Variants in HDAC8 observed in about 807,000 individuals in gnomAD.
HDAC8 encodes the protein histone deacetylase 8.
Under a neutral mutation model 32.2 loss-of-function variants are expected in HDAC8, and 1 was observed. The observed-to-expected ratio is 0.03, with a 90% CI of 0.01 to 0.15. The LOEUF is 0.15. Ranked by LOEUF, HDAC8 falls within the 10% of genes least tolerant of loss-of-function variation. HDAC8 has a pLI of 1.00. For missense variants in HDAC8, 117 were observed against 300.0 expected, an observed-to-expected ratio of 0.39 and a Z score of 4.51; for synonymous variants, 108 against 113.9, an observed-to-expected ratio of 0.95 and a Z score of 0.33.
At chrX:72,508,191 T>C (rs1453759840) in intron 4 of HDAC8, among the ~76,000 whole-genome samples, 1 of 112,331 alleles carries the variant, frequency 8.9e-6, no homozygotes, top group Non-Finnish European at 1.9e-5. Context: ...TCTTTACATA[T>C]TAGCATACCT....
intron 9 of HDAC8, among the ~76,000 whole-genome samples, chrX:72,365,726 T>C (rs1280605504): frequency 8.9e-6 from 1 of 112,365 alleles, no homozygotes; most frequent in Non-Finnish European, 1.9e-5. Context: ...AACTTTCTTG[T>C]CTGCTTTGAA....
At chrX:72,472,136 C>T (rs1433737649) in intron 7 of HDAC8, among the ~76,000 whole-genome samples, 5 of 104,853 alleles carry the variant, frequency 4.8e-5, no homozygotes, top group Non-Finnish European at 5.9e-5. Flanking sequence ...GGCGGGATCT[C>T]GGCTCACTGC....
At chrX:72,338,868 G>C (rs1555943918) in intron 10 of HDAC8, among the ~76,000 whole-genome samples, 2 of 106,582 alleles carry the variant, frequency 1.9e-5, no homozygotes, top group African/African-American at 6.8e-5. Flanking sequence ...GGGGAAAATA[G>C]GGAGTCCCTG....
chrX:72,527,141 C>T (rs1212422033), intron 4 of HDAC8, among the ~76,000 whole-genome samples: 2 of 112,028 alleles, frequency 1.8e-5, no homozygotes, highest in East Asian at 5.6e-4. Flanking sequence ...CATCTCTTGC[C>T]ACTGACCCAA....
intron 7 of HDAC8, among the ~76,000 whole-genome samples, chrX:72,485,332 G>A (rs2048635665): frequency 8.9e-6 from 1 of 111,819 alleles, no homozygotes; most frequent in Non-Finnish European, 1.9e-5. Flanking sequence ...AGATCTCACT[G>A]TGAAATCTGT....
At chrX:72,336,073 AAT>A (rs1367174280) in intron 10 of HDAC8, among the ~76,000 whole-genome samples, 1 of 111,680 alleles carries the variant, frequency 9.0e-6, no homozygotes, top group Non-Finnish European at 1.9e-5. Context: ...ATGTGGTAAG[AAT>A]ATGTTTATTT....
intron 9 of HDAC8, among the ~76,000 whole-genome samples, chrX:72,430,721 C>T (rs2046790065): frequency 9.0e-6 from 1 of 111,483 alleles, no homozygotes; most frequent in Non-Finnish European, 1.9e-5. Flanking sequence ...TCAGTGTCCC[C>T]AAAATAGAAT....
At chrX:72,533,054 G>T (rs1199859651) in intron 4 of HDAC8, among the ~76,000 whole-genome samples, 1 of 111,444 alleles carries the variant, frequency 9.0e-6, no homozygotes, top group South Asian at 3.9e-4. Context: ...AGTGAAGTAG[G>T]GGTCCAACTT....
chrX:72,345,908 T>C (rs1188926163), intron 10 of HDAC8, among the ~76,000 whole-genome samples: 1 of 111,532 alleles, frequency 9.0e-6, no homozygotes. Flanking sequence ...GGTCTTGAAC[T>C]CCTCGGCTCA....
intron 9 of HDAC8, among the ~76,000 whole-genome samples, chrX:72,438,061 G>T (rs1476792300): frequency 8.9e-6 from 1 of 112,282 alleles, no homozygotes; most frequent in Admixed American, 9.4e-5. Flanking sequence ...ATACCTCCCA[G>T]CAGGGGTCAA....
intron 9 of HDAC8, among the ~76,000 whole-genome samples, chrX:72,362,206 T>C (rs782136053): frequency 1.8e-5 from 2 of 111,121 alleles, no homozygotes; most frequent in African/African-American, 6.6e-5. Flanking sequence ...GCTCTCCCCA[T>C]GGTAATCAGT....
intron 10 of HDAC8, among the ~76,000 whole-genome samples, chrX:72,339,190 G>A (rs782540227): frequency 3.6e-5 from 4 of 111,354 alleles, no homozygotes; most frequent in Non-Finnish European, 5.7e-5. Flanking sequence ...TAGATGGTAT[G>A]CACCCCCGCT....
intron 2 of HDAC8, among the ~76,000 whole-genome samples, chrX:72,571,530 CTTTTCT>C (rs1282725321): frequency 3.5e-3 from 243 of 69,147 alleles, no homozygotes; most frequent in African/African-American, 0.011. Context: ...CCCAAGTTTT[CTTTTCT>C]TTTTCTTTCT....
intron 9 of HDAC8, among the ~76,000 whole-genome samples, chrX:72,376,711 G>T (rs961924081): frequency 1.8e-5 from 2 of 111,468 alleles, no homozygotes; most frequent in Non-Finnish European, 3.8e-5. Flanking sequence ...GAGCCACCAT[G>T]CCCCACCTAA....
chrX:72,457,957 T>C (rs1484905530), intron 9 of HDAC8, among the ~76,000 whole-genome samples: 1 of 111,562 alleles, frequency 9.0e-6, no homozygotes, highest in Non-Finnish European at 1.9e-5. Flanking sequence ...GTTAATATTT[T>C]CCATTAGTAA....
At chrX:72,399,055 C>G (rs191698943) in intron 9 of HDAC8, among the ~76,000 whole-genome samples, 55 of 111,408 alleles carry the variant, frequency 4.9e-4, no homozygotes, top group African/African-American at 1.7e-3. Flanking sequence ...CTAACATACT[C>G]TATATATTTT....
intron 10 of HDAC8, among the ~76,000 whole-genome samples, chrX:72,330,316 G>A (rs1555939888): frequency 9.0e-6 from 1 of 111,412 alleles, no homozygotes; most frequent in East Asian, 2.8e-4. Context: ...ATGTGATCGA[G>A]GCCTTTGACA....
chrX:72,345,143 A>AG (rs1228342535), intron 10 of HDAC8, among the ~76,000 whole-genome samples: 1 of 111,409 alleles, frequency 9.0e-6, no homozygotes, highest in Non-Finnish European at 1.9e-5. Flanking sequence ...CACCAACATG[A>AG]GGGGGGTGGG....
intron 9 of HDAC8, among the ~76,000 whole-genome samples, chrX:72,381,251 G>A (rs1306872490): frequency 9.0e-6 from 1 of 111,460 alleles, no homozygotes; most frequent in Non-Finnish European, 1.9e-5. Flanking sequence ...TATACAGAAG[G>A]CATTATTCTA....
Sources: gnomAD v4.1 joint callset for allele counts (sites outside exome capture counted in the v4.1 genomes callset) on GRCh38, gnomAD v4.1.1 for gene constraint, MANE v1.5 for transcripts, NCBI Gene and HGNC (gene_info 2026-07-23, HGNC 2026-07-21) for gene names.